Variants in SMYD3 observed in about 807,000 individuals in gnomAD.
SMYD3 encodes histone-lysine N-methyltransferase SMYD3.
Under a neutral mutation model 57.7 loss-of-function variants are expected in SMYD3, and 36 were observed. That is an observed-to-expected ratio of 0.62 (90% CI 0.48 to 0.82). SMYD3 has a LOEUF of 0.82. SMYD3 is among the 40% of genes least tolerant of loss of function. The pLI is 0.00. For synonymous variants in SMYD3, 211 were observed against 195.0 expected (o/e 1.08, Z -0.68); for missense variants, 515 against 538.8 (o/e 0.96, Z 0.44).
At chr1:245,985,240 G>T (rs1032218689) in intron 5 of SMYD3, among the ~76,000 whole-genome samples, 2 of 152,018 alleles carry the variant, frequency 1.3e-5, no homozygotes, top group African/African-American at 2.4e-5. Context: ...CATACATTTT[G>T]CCTGAGAGTT....
chr1:246,027,157 G>A (rs1351858234), intron 5 of SMYD3, among the ~76,000 whole-genome samples: 4 of 152,184 alleles, frequency 2.6e-5, no homozygotes, highest in Non-Finnish European at 5.9e-5. Context: ...GGTGAGAAAC[G>A]ACAGAAGAAA....
At chr1:246,225,362 A>T (rs1424649196) in intron 5 of SMYD3, among the ~76,000 whole-genome samples, 2 of 148,540 alleles carry the variant, frequency 1.3e-5, no homozygotes, top group Non-Finnish European at 3.0e-5. Context: ...AAAAAACAGA[A>T]AAGACACCAG....
rs1005564064 is a variant in SMYD3, at chr1:246,428,056, C to A, written c.165-72962G>T. On this transcript the variant is annotated intron_variant, in intron 1 of 11. Transcript: ENST00000490107. ...TGTTCAAATATAAAAAAATTTTAGA[C>A]CTCTTGACAATGTAGGAATTGACAG... Among the ~76,000 whole-genome samples the A allele has an allele frequency of 2.0e-5, 3 of 152,074 alleles. No individual in the cohort carries two copies. In the South Asian group the frequency reaches 6.2e-4, roughly 31 times the overall value.
chr1:246,093,480 C>T (rs568827413), intron 5 of SMYD3, among the ~76,000 whole-genome samples: 1 of 152,068 alleles, frequency 6.6e-6, no homozygotes, highest in Non-Finnish European at 1.5e-5. Flanking sequence ...CATGGATAAG[C>T]CTGGAGGACA....
chr1:245,824,215 GCA>G, intron 10 of SMYD3, among the ~76,000 whole-genome samples: 1 of 152,330 alleles, frequency 6.6e-6, no homozygotes, highest in East Asian at 1.9e-4. Context: ...AATTATCTTT[GCA>G]CACAGTTGGA....
intron 1 of SMYD3, among the ~76,000 whole-genome samples, chr1:246,426,405 C>T (rs1223994620): frequency 2.0e-5 from 3 of 152,136 alleles, no homozygotes; most frequent in Non-Finnish European, 2.9e-5. Context: ...GGAGTTACTC[C>T]CTATCCCTAC....
chr1:246,118,689 A>C (rs2061377124), intron 5 of SMYD3, among the ~76,000 whole-genome samples: 1 of 152,176 alleles, frequency 6.6e-6, no homozygotes, highest in Non-Finnish European at 1.5e-5. Flanking sequence ...AATGCCAGCT[A>C]GTCTGAAATA....
chr1:246,066,681 T>G (rs1369367351), intron 5 of SMYD3, among the ~76,000 whole-genome samples: 3 of 152,212 alleles, frequency 2.0e-5, no homozygotes, highest in Admixed American at 6.5e-5. Context: ...GCTAATTGCT[T>G]AAGTTTTCAT....
intron 10 of SMYD3, among the ~76,000 whole-genome samples, chr1:245,832,278 C>G (rs2049880648): frequency 6.6e-6 from 1 of 152,154 alleles, no homozygotes; most frequent in African/African-American, 2.4e-5. Context: ...TGGCTGCAAC[C>G]CTGACAGCCT....
At chr1:246,499,667 G>C (rs185063860) in intron 1 of SMYD3, among the ~76,000 whole-genome samples, 1 of 152,034 alleles carries the variant, frequency 6.6e-6, no homozygotes, top group Non-Finnish European at 1.5e-5. Flanking sequence ...CGTTGGCCAG[G>C]CTGGTCTCAA....
At chr1:246,016,427 AC>A (rs1279836348) in intron 5 of SMYD3, among the ~76,000 whole-genome samples, 4 of 151,882 alleles carry the variant, frequency 2.6e-5, no homozygotes, top group Admixed American at 6.6e-5. Flanking sequence ...TACTAAAAAT[AC>A]AAAAATTAGC....
At chr1:246,175,349 A>G (rs1250770760) in intron 5 of SMYD3, among the ~76,000 whole-genome samples, 2 of 152,174 alleles carry the variant, frequency 1.3e-5, no homozygotes, top group Non-Finnish European at 2.9e-5. Context: ...AAAAAGCACC[A>G]CTGGGAGAGG....
At chr1:245,929,068 A>G (rs1572715947) in intron 6 of SMYD3, among the ~76,000 whole-genome samples, 1 of 152,252 alleles carries the variant, frequency 6.6e-6, no homozygotes, top group East Asian at 1.9e-4. Flanking sequence ...ACAGGTAAAG[A>G]GACTGATGCA....
chr1:246,000,019 A>C (rs2148145160), intron 5 of SMYD3, among the ~76,000 whole-genome samples: 1 of 152,382 alleles, frequency 6.6e-6, no homozygotes, highest in Non-Finnish European at 1.5e-5. Context: ...CACAGGGTTA[A>C]GAAAGCTAAA....
At chr1:246,308,658 T>C (rs1362026711) in intron 5 of SMYD3, among the ~76,000 whole-genome samples, 1 of 152,186 alleles carries the variant, frequency 6.6e-6, no homozygotes, top group Admixed American at 6.5e-5. Context: ...CAATTTATGA[T>C]AGCACAAAGG....
intron 5 of SMYD3, among the ~76,000 whole-genome samples, chr1:246,292,466 C>A (rs1388136648): frequency 6.6e-6 from 1 of 152,226 alleles, no homozygotes; most frequent in African/African-American, 2.4e-5. Context: ...GCATCTTAGA[C>A]TTACTATCCA....
chr1:245,777,000 C>A (rs1358969198), intron 10 of SMYD3, among the ~76,000 whole-genome samples: 1 of 152,174 alleles, frequency 6.6e-6, no homozygotes, highest in Non-Finnish European at 1.5e-5. Flanking sequence ...CTACCTGGCT[C>A]TTCACAGAAC....
intron 7 of SMYD3, among the ~76,000 whole-genome samples, chr1:245,916,525 A>G (rs2055433344): frequency 6.6e-6 from 1 of 152,098 alleles, no homozygotes. Flanking sequence ...TCATCTTTTG[A>G]CTTATCCAAG....
intron 5 of SMYD3, among the ~76,000 whole-genome samples, chr1:246,089,494 A>C (rs1446291849): frequency 1.3e-5 from 2 of 152,154 alleles, no homozygotes; most frequent in Non-Finnish European, 2.9e-5. Context: ...CCCTATTTCG[A>C]GCCAGAATAG....
Sources: allele counts gnomAD v4.1 joint callset (sites outside exome capture counted in the v4.1 genomes callset), GRCh38; gene constraint gnomAD v4.1.1; transcripts MANE v1.5; gene names NCBI Gene and HGNC (gene_info 2026-07-23, HGNC 2026-07-21).